The following HTR3D variants were observed in gnomAD, a reference collection of about 807,000 sequenced individuals.
HTR3D encodes the protein 5-hydroxytryptamine receptor 3D, also known as 5-hydroxytryptamine (serotonin) receptor 3 family member D.
Under a neutral mutation model 45.8 loss-of-function variants are expected in HTR3D, and 47 were observed. That is an observed-to-expected ratio of 1.03 (90% CI 0.81 to 1.31). HTR3D has a LOEUF of 1.31. Among genes scored for constraint, HTR3D ranks in the 50% most tolerant of loss-of-function variants. The probability of loss-of-function intolerance (pLI) is 0.00; values close to 1 mark genes in which losing one functional copy is unlikely to be tolerated. For synonymous variants in HTR3D, 203 were observed against 199.8 expected (o/e 1.02, Z -0.13); for missense variants, 448 against 506.9 (o/e 0.88, Z 1.12).
At chr3:184,036,256 G>A in intron 3 of HTR3D, 119 bp from the exon 4 acceptor site, 2 of 1,499,282 alleles carry the variant, frequency 1.3e-6, no homozygotes, top group Non-Finnish European at 8.9e-7. Context: ...GTAGAAGAGA[G>A]CAGTCATCTG....
At chr3:184,033,688 G>A (rs768449167) in intron 1 of HTR3D, among the ~76,000 whole-genome samples, 12 of 152,098 alleles carry the variant, frequency 7.9e-5, no homozygotes, top group East Asian at 3.9e-4. Context: ...AGGCTGAGGC[G>A]GGTAGATCAC....
chr3:184,037,333 C>G (rs1300553215), intron 5 of HTR3D, among the ~76,000 whole-genome samples: 7 of 152,128 alleles, frequency 4.6e-5, no homozygotes, highest in Non-Finnish European at 7.3e-5. Flanking sequence ...GCCACCGTGC[C>G]CAGCCTTTTG....
At chr3:184,035,351 C>G (rs1722855507) in intron 2 of HTR3D, 129 bp downstream of exon 2, 2 of 831,416 alleles carry the variant, frequency 2.4e-6, no homozygotes, top group Admixed American at 5.0e-5. Flanking sequence ...TCAAATAGAC[C>G]AATAATGAAA....
Position 184,036,439 on chromosome 3 carries a change from A to G in HTR3D, c.262A>G (p.Ile88Val), listed in dbSNP as rs1722892540. ...MSIVKATSNT[I>V]SQCGWSASAN... is the part of the protein sequence containing the mutation. ...AATAGTGAAGGCCACATCAAACACA[A>G]TAAGCCAATGTGGGTGGTCAGCATC... Residue 88 changes from isoleucine to valine, a missense_variant, in exon 4 of 8, where the codon ATA (isoleucine) becomes GTA (valine). Transcript: ENST00000428798. 1.9e-6 allele frequency: 3 copies of G among 1,614,194 alleles called. No individual in the cohort carries two copies. The highest frequency in any genetic ancestry group is 1.7e-5 in the Admixed American group (1 of 60,030).
In HTR3D at chr3:184,038,847, G is replaced by T; in HGVS notation, c.1087G>T (p.Ala363Ser). The change falls in exon 8 of 8, where the codon GCC becomes TCC. Residue 363 changes from alanine (A) to serine (S), a missense_variant. By Grantham distance (99) the Ala-to-Ser change is moderately conservative. Coordinates refer to ENST00000428798, the MANE Select transcript of HTR3D (RefSeq NM_001145143.1). This position sits in a 1 kb window ranked among gnomAD's most constrained non-coding sequence, Gnocchi z 4.5. ...EWTRAQREHE[A>S]QKQHSVELWV... The stretch of plus-strand genomic sequence containing the variant: ...GACAAGGGCCCAGCGGGAACACGAG[G>T]CCCAGAAGCAGCACTCGGTGGAGCT... The T allele has an allele frequency of 6.2e-7, 1 of 1,614,190 alleles. No individual in the cohort carries two copies. The highest frequency in any genetic ancestry group is 8.5e-7 in the Non-Finnish European group (1 of 1,180,036).
Position 184,036,750 on chromosome 3 carries a change from C to T in HTR3D, c.370C>T (p.Arg124Trp), listed in dbSNP as rs73050313. The change falls in exon 5 of 8, where the codon CGG becomes TGG. Residue 124 changes from arginine to tryptophan, a missense_variant and splice_region_variant. Arg to Trp is a moderately radical substitution (Grantham distance 101). Coordinates refer to ENST00000428798, the MANE Select transcript of HTR3D (RefSeq NM_001145143.1). The part of the protein sequence containing the change: ...PSALSPTQVT[R>W]AWRRMSRSFQ... ...TGCTTTGCAGTGGAGAACACGAGCC[C>T]GGGCATGGAGAAGGATGTCCAGGAG... The T allele has an allele frequency of 3.5e-4, 537 of 1,552,114 alleles. 4 individuals are homozygous for T. In the African/African-American group the frequency reaches 6.0e-3, roughly 17 times the overall value.
In HTR3D at chr3:184,036,886, C is replaced by T; in HGVS notation, c.506C>T (p.Ala169Val). 1 of 1,551,400 alleles carries T rather than the reference C, an allele frequency of 6.4e-7. No individual in the cohort carries two copies. The highest frequency in any genetic ancestry group is 1.2e-5 in the South Asian group (1 of 84,030). Reference protein sequence around the residue: ...VTVATNQYEQAIFHVAIRRRC... With the variant: ...VTVATNQYEQVIFHVAIRRRC... ...GTGGCCACTAACCAGTATGAACAAGCCATCTTCCATGTGAGCTCAGGGGCC... is the reference window on the plus strand; with the variant it reads ...GTGGCCACTAACCAGTATGAACAAGTCATCTTCCATGTGAGCTCAGGGGCC... The change falls in exon 5 of 8, where the codon GCC becomes GTC. Residue 169 changes from alanine to valine, a missense_variant. Transcript: ENST00000428798.
At position 184,036,891 on chromosome 3, in the gene HTR3D, T is replaced by G. The variant is rs1303997993; in HGVS notation, c.511T>G (p.Phe171Val). 6.4e-7 allele frequency: 1 copy of G among 1,551,418 alleles called. No homozygotes were observed. The highest frequency in any genetic ancestry group is 1.2e-5 in the South Asian group (1 of 84,042). Residue 171 changes from phenylalanine (F) to valine (V), a missense_variant, in exon 5 of 8, where the codon TTC (phenylalanine) becomes GTC (valine). By Grantham distance (50) the Phe-to-Val change is conservative (BLOSUM62 -1). Transcript: ENST00000428798. ...VATNQYEQAI[F>V]HVAIRRRCRP... ...CACTAACCAGTATGAACAAGCCATC[T>G]TCCATGTGAGCTCAGGGGCCAAGAC...
chr3:184,033,029 A>C (rs556224978), intron 1 of HTR3D: 2 of 1,551,306 alleles, frequency 1.3e-6, no homozygotes. Context: ...TCATGTCAAC[A>C]TCTCCTTCAC....
Sources: allele counts gnomAD v4.1 joint callset (sites outside exome capture counted in the v4.1 genomes callset), GRCh38; gene constraint gnomAD v4.1.1; non-coding constraint Gnocchi (gnomAD v3.1); transcripts MANE v1.5; gene names NCBI Gene and HGNC (gene_info 2026-07-23, HGNC 2026-07-21).